GPC6: variants seen among roughly 807,000 people sequenced by gnomAD.
GPC6 encodes the protein glypican 6.
GPC6 carries 14 observed loss-of-function variants against 55.2 expected under a neutral mutation model. The ratio of observed to expected loss-of-function variants is 0.25; its 90% CI spans 0.17 to 0.40. GPC6 has a LOEUF of 0.40. GPC6 is among the 10% of genes least tolerant of loss of function. The probability of loss-of-function intolerance (pLI) is 1.00; values close to 1 mark genes in which losing one functional copy is unlikely to be tolerated. For synonymous variants in GPC6, 278 were observed against 259.6 expected, an observed-to-expected ratio of 1.07 and a Z score of -0.68; for missense variants, 641 against 708.5, an observed-to-expected ratio of 0.90 and a Z score of 1.08.
chr13:94,344,604 A>G (rs1362627318), intron 6 of GPC6, among the ~76,000 whole-genome samples: 1 of 152,270 alleles, frequency 6.6e-6, no homozygotes, highest in Non-Finnish European at 1.5e-5. Flanking sequence ...CCCCGAAATG[A>G]GTCAAGGACA....
At chr13:93,346,878 A>T (rs1231637439) in intron 1 of GPC6, among the ~76,000 whole-genome samples, 1 of 151,904 alleles carries the variant, frequency 6.6e-6, no homozygotes, top group Non-Finnish European at 1.5e-5. Flanking sequence ...TCTAAATAAA[A>T]ATGTCATGAA....
intron 2 of GPC6, among the ~76,000 whole-genome samples, chr13:93,758,821 A>G (rs1027387203): frequency 6.6e-6 from 1 of 152,058 alleles, no homozygotes; most frequent in African/African-American, 2.4e-5. Flanking sequence ...GGCATTTCCT[A>G]AATGTGTCAT....
chr13:93,314,504 C>T (rs1349780903), intron 1 of GPC6, among the ~76,000 whole-genome samples: 1 of 152,162 alleles, frequency 6.6e-6, no homozygotes, highest in African/African-American at 2.4e-5. Context: ...TTTTCACACT[C>T]CAACCGCCTA....
At chr13:94,386,610 TAAG>T (rs1306376140) in intron 7 of GPC6, among the ~76,000 whole-genome samples, 1 of 151,992 alleles carries the variant, frequency 6.6e-6, no homozygotes, top group Non-Finnish European at 1.5e-5. Context: ...AAATAAAAAA[TAAG>T]AAGAAATAAT....
intron 4 of GPC6, among the ~76,000 whole-genome samples, chr13:94,050,245 T>C (rs1029339331): frequency 1.2e-4 from 18 of 152,156 alleles, no homozygotes; most frequent in African/African-American, 4.3e-4. Context: ...GCTGTGTAAA[T>C]ATTTGTTGAA....
At chr13:93,824,713 G>A (rs1594490661) in intron 2 of GPC6, among the ~76,000 whole-genome samples, 2 of 152,014 alleles carry the variant, frequency 1.3e-5, no homozygotes, top group Admixed American at 1.3e-4. Context: ...ATGACAAGAG[G>A]GCAAATCAGT....
chr13:94,391,397 A>C (rs6492701), intron 7 of GPC6, among the ~76,000 whole-genome samples: 88,864 of 152,034 alleles, frequency 0.58, 26,391 homozygotes, highest in African/African-American at 0.67. Context: ...CAGGTGACCC[A>C]GTCATACATA....
chr13:93,300,368 G>A (rs1181152461), intron 1 of GPC6, among the ~76,000 whole-genome samples: 1 of 152,178 alleles, frequency 6.6e-6, no homozygotes, highest in Non-Finnish European at 1.5e-5. Context: ...AGAATAGGAG[G>A]CTGGGCACGG....
At chr13:94,093,631 G>C (rs1212045797) in intron 4 of GPC6, among the ~76,000 whole-genome samples, 1 of 151,960 alleles carries the variant, frequency 6.6e-6, no homozygotes, top group Non-Finnish European at 1.5e-5. Flanking sequence ...TTCTATTTCT[G>C]TATAAAAATG....
intron 2 of GPC6, among the ~76,000 whole-genome samples, chr13:93,791,798 G>C (rs1359043110): frequency 6.6e-6 from 1 of 152,196 alleles, no homozygotes; most frequent in African/African-American, 2.4e-5. Context: ...AGTTCAAAGT[G>C]ATTGTAAACT....
chr13:93,735,667 G>A (rs539410217), intron 2 of GPC6, among the ~76,000 whole-genome samples: 22 of 152,164 alleles, frequency 1.4e-4, no homozygotes, highest in Admixed American at 2.0e-4. Flanking sequence ...TTTGTCCTTC[G>A]TCTTTGAAGT....
chr13:93,454,058 G>A (rs1482668528), intron 1 of GPC6, among the ~76,000 whole-genome samples: 1 of 152,104 alleles, frequency 6.6e-6, no homozygotes, highest in African/African-American at 2.4e-5. Context: ...CACCAGATTA[G>A]TTAGATACAG....
chr13:93,480,254 T>G (rs1879467154), intron 1 of GPC6, among the ~76,000 whole-genome samples: 1 of 152,226 alleles, frequency 6.6e-6, no homozygotes, highest in Admixed American at 6.5e-5. Context: ...CTCAATGCAT[T>G]GTAGAAAATT....
intron 4 of GPC6, among the ~76,000 whole-genome samples, chr13:94,153,953 T>C (rs1165307437): frequency 6.6e-6 from 1 of 152,158 alleles, no homozygotes; most frequent in Non-Finnish European, 1.5e-5. Context: ...ACACTTTTTA[T>C]ATGAAAAAAT....
chr13:93,514,980 C>A (rs1390135541), intron 1 of GPC6, among the ~76,000 whole-genome samples: 2 of 152,178 alleles, frequency 1.3e-5, no homozygotes, highest in Non-Finnish European at 2.9e-5. Flanking sequence ...CTCGCATCCC[C>A]AGTGTGATGG....
At chr13:94,034,200 AGAAG>A (rs575821539) in intron 4 of GPC6, among the ~76,000 whole-genome samples, 8,993 of 72,096 alleles carry the variant, frequency 0.12, 411 homozygotes, top group East Asian at 0.2. Context: ...AAAGAAAGAA[AGAAG>A]GAAGGAAGGA....
chr13:94,017,072 A>T lies in GPC6; in HGVS notation c.712-10657A>T, dbSNP rs374912124. 3.8e-4 allele frequency among the ~76,000 whole-genome samples: 58 copies of T among 152,208 alleles called. No homozygotes were observed. The East Asian group carries it at 6.4e-3, about 17-fold the overall frequency. ...CTGGTCTTGAACTCCTGAACTCGTG[A>T]TCCACCCGCCTTGGCCTCCCAAAGT... On this transcript the variant is annotated intron_variant, in intron 3 of 8. Coordinates refer to ENST00000377047, the MANE Select transcript of GPC6 (RefSeq NM_005708.5).
chr13:93,820,043 C>A (rs1020218143), intron 2 of GPC6, among the ~76,000 whole-genome samples: 7 of 152,180 alleles, frequency 4.6e-5, no homozygotes, highest in African/African-American at 1.7e-4. Context: ...GAATTACACA[C>A]TTGATTCTGA....
chr13:93,750,064 C>A (rs1884525312), intron 2 of GPC6, among the ~76,000 whole-genome samples: 1 of 151,910 alleles, frequency 6.6e-6, no homozygotes, highest in Admixed American at 6.6e-5. Context: ...TAATAAATGA[C>A]AAACAGACTT....
Sources: allele counts gnomAD v4.1 joint callset (sites outside exome capture counted in the v4.1 genomes callset), GRCh38; gene constraint gnomAD v4.1.1; transcripts MANE v1.5; gene names NCBI Gene and HGNC (gene_info 2026-07-23, HGNC 2026-07-21).